ADAMTS19: variants seen among roughly 807,000 people sequenced by gnomAD.
The protein encoded by ADAMTS19 is ADAM metallopeptidase with thrombospondin type 1 motif 19.
A neutral mutation model predicts 153.3 loss-of-function variants in ADAMTS19; 93 were observed. That is an observed-to-expected ratio of 0.61 (90% CI 0.51 to 0.72). The LOEUF is 0.72. ADAMTS19 is among the 30% of genes least tolerant of loss of function. The probability of loss-of-function intolerance (pLI) is 0.00; values close to 1 mark genes in which losing one functional copy is unlikely to be tolerated. For synonymous variants in ADAMTS19, 600 were observed against 556.6 expected (o/e 1.08, Z -1.10); for missense variants, 1,482 against 1,552.1 (o/e 0.95, Z 0.76).
At chr5:129,682,628 A>G (rs191639331) in intron 17 of ADAMTS19, among the ~76,000 whole-genome samples, 90 of 152,342 alleles carry the variant, frequency 5.9e-4, no homozygotes, top group Middle Eastern at 3.4e-3. Flanking sequence ...GTCGTAAGGT[A>G]TATCATTTTT....
intron 8 of ADAMTS19, among the ~76,000 whole-genome samples, chr5:129,609,368 A>G (rs1751085998): frequency 6.6e-6 from 1 of 152,218 alleles, no homozygotes; most frequent in Admixed American, 6.5e-5. Context: ...GTGTCATGGC[A>G]CAATGATTGG....
intron 10 of ADAMTS19, among the ~76,000 whole-genome samples, chr5:129,634,273 C>T (rs1752435124): frequency 6.6e-6 from 1 of 151,990 alleles, no homozygotes; most frequent in Admixed American, 6.6e-5. Flanking sequence ...AAATACTGCT[C>T]AAAGTAATCA....
chr5:129,736,722 T>C (rs907033104), intron 22 of ADAMTS19, among the ~76,000 whole-genome samples: 1 of 152,222 alleles, frequency 6.6e-6, no homozygotes, highest in South Asian at 2.1e-4. Context: ...AAGGTAGATA[T>C]ATTGAGCACA....
intron 21 of ADAMTS19, among the ~76,000 whole-genome samples, chr5:129,713,936 C>G (rs1218388701): frequency 6.6e-6 from 1 of 152,008 alleles, no homozygotes; most frequent in Admixed American, 6.6e-5. Flanking sequence ...TCCTTAGTCC[C>G]CCTAGCCTCA....
chr5:129,630,466 G>A (rs982590416), intron 10 of ADAMTS19, among the ~76,000 whole-genome samples: 2 of 152,082 alleles, frequency 1.3e-5, no homozygotes, highest in South Asian at 2.1e-4. Flanking sequence ...TCTCACATAT[G>A]TGTACAATTG....
rs112754404 is a variant in ADAMTS19 at position 129,519,833 on chromosome 5, C to T, written c.914-6451C>T. On this transcript the variant is annotated intron_variant, in intron 3 of 22. Transcript: ENST00000274487. ...TGTGTCTTCTTGATTTCCGTCTAAC[C>T]CTCTCATAATCTAGTTTCCAATTTT... Among the ~76,000 whole-genome samples the T allele has an allele frequency of 2.1e-3, 321 of 152,090 alleles. 2 individuals carry two copies. The highest frequency in any genetic ancestry group is 7.4e-3 in the African/African-American group (306 of 41,498).
At position 129,727,936 on chromosome 5, in the gene ADAMTS19, A is replaced by G. The variant is rs1177479613; in HGVS notation, c.3313-6996A>G. ...TGCATTCCCAGGAGGTTAAGGCATT[A>G]TAAGTCACAGGATGAGATGGGAGGT... is the stretch of plus-strand genomic sequence containing the variant. On this transcript the variant is annotated intron_variant, in intron 21 of 22. Transcript: ENST00000274487. Among the ~76,000 whole-genome samples, 5 of 152,262 alleles carry G rather than the reference A, an allele frequency of 3.3e-5. No homozygotes were observed. The East Asian group carries it at 9.7e-4, about 29-fold the overall frequency.
Position 129,718,592 on chromosome 5 carries a change from T to G in ADAMTS19, c.3312+14201T>G, listed in dbSNP as rs190226602. On this transcript the variant is annotated intron_variant, in intron 21 of 22. Coordinates refer to ENST00000274487, the MANE Select transcript of ADAMTS19 (RefSeq NM_133638.6). ...TTATTAAAAAGTTGAAAGATAGAAC[T>G]GCCAAACATATACATAAATGAATAG... 2.1e-3 allele frequency among the ~76,000 whole-genome samples: 325 copies of G among 152,298 alleles called. 2 individuals carry two copies. The highest frequency in any genetic ancestry group is 7.4e-3 in the African/African-American group (306 of 41,580).
rs185550667 is a variant in ADAMTS19, at chr5:129,630,674, T to G, written c.1770+8326T>G. On this transcript the variant is annotated intron_variant, in intron 10 of 22. Coordinates refer to ENST00000274487, the MANE Select transcript of ADAMTS19 (RefSeq NM_133638.6). ...GAAAAAGGTAGAGGAAATATTTTTT[T>G]TAATAGGACACCAGGAGCATGAACC... is the stretch of plus-strand genomic sequence containing the variant. Among the ~76,000 whole-genome samples the G allele has an allele frequency of 2.4e-3, 363 of 152,080 alleles. 2 individuals are homozygous for G. Among genetic ancestry groups the G allele is most frequent in the African/African-American group, 6.8e-3 (283 of 41,520 alleles).
chr5:129,590,598 T>A (rs1750085029), intron 7 of ADAMTS19, among the ~76,000 whole-genome samples: 1 of 152,206 alleles, frequency 6.6e-6, no homozygotes, highest in South Asian at 2.1e-4. Flanking sequence ...TTTTTAAAAA[T>A]ATTTTTTTAA....
chr5:129,608,024 T>G lies in ADAMTS19; in HGVS notation c.1478+11360T>G, dbSNP rs1177494356. On this transcript the variant is annotated intron_variant, in intron 8 of 22. Coordinates refer to ENST00000274487, the MANE Select transcript of ADAMTS19 (RefSeq NM_133638.6). ...TATATAATGGAATATTTATTATATA[T>G]GTATTACTATATATGTATATATACA... is the stretch of plus-strand genomic sequence containing the variant. 2.0e-5 allele frequency among the ~76,000 whole-genome samples: 3 copies of G among 146,904 alleles called. No individual in the cohort carries two copies. The Admixed American group carries it at 2.1e-4, about 10-fold the overall frequency.
At position 129,475,506 on chromosome 5, in the gene ADAMTS19, T is replaced by G. The variant is rs189056082; in HGVS notation, c.747+13749T>G. The stretch of plus-strand genomic sequence containing the variant: ...TAATATTTTTTGAATTTGGGAAATT[T>G]AAGTCCTTTAATTTTAATTTTCTCT... On this transcript the variant is annotated intron_variant, in intron 2 of 22. Transcript: ENST00000274487. 4.6e-5 allele frequency among the ~76,000 whole-genome samples: 7 copies of G among 152,322 alleles called. No homozygotes were observed. In the East Asian group the frequency reaches 1.3e-3, roughly 29 times the overall value.
intron 8 of ADAMTS19, among the ~76,000 whole-genome samples, chr5:129,597,449 T>G (rs1450869874): frequency 6.6e-6 from 1 of 152,162 alleles, no homozygotes; most frequent in Non-Finnish European, 1.5e-5. Context: ...AGCGAGGGGT[T>G]TGAACTCAAG....
chr5:129,537,379 G>C (rs1245487727), intron 6 of ADAMTS19, among the ~76,000 whole-genome samples: 1 of 152,084 alleles, frequency 6.6e-6, no homozygotes, highest in East Asian at 1.9e-4. Flanking sequence ...GATTCCTCAG[G>C]GATCTAGAAC....
chr5:129,474,572 A>G (rs1034130015), intron 2 of ADAMTS19, among the ~76,000 whole-genome samples: 1 of 152,128 alleles, frequency 6.6e-6, no homozygotes, highest in African/African-American at 2.4e-5. Context: ...TTGTTTATAT[A>G]CCACAAAAAT....
At chr5:129,536,648 A>T (rs1457936527) in intron 6 of ADAMTS19, among the ~76,000 whole-genome samples, 2 of 152,196 alleles carry the variant, frequency 1.3e-5, no homozygotes, top group Non-Finnish European at 1.5e-5. Context: ...AATAGCAAAG[A>T]CTTGGAACCA....
chr5:129,672,136 G>C (rs1160665758), intron 16 of ADAMTS19, among the ~76,000 whole-genome samples: 1 of 152,084 alleles, frequency 6.6e-6, no homozygotes, highest in Admixed American at 6.6e-5. Flanking sequence ...CCGACTTCTA[G>C]CTGTGTCTTC....
chr5:129,542,756 A>C (rs939785097), intron 6 of ADAMTS19, among the ~76,000 whole-genome samples: 1 of 152,124 alleles, frequency 6.6e-6, no homozygotes, highest in Non-Finnish European at 1.5e-5. Context: ...AAAAGTTATA[A>C]ATATTAAAAC....
intron 7 of ADAMTS19, among the ~76,000 whole-genome samples, chr5:129,590,676 C>T (rs759979927): frequency 2.0e-4 from 30 of 152,246 alleles, no homozygotes; most frequent in Middle Eastern, 3.4e-3. Flanking sequence ...ATTCCTAGAT[C>T]ACCTTCTTGT....
Sources: gnomAD v4.1 joint callset for allele counts (sites outside exome capture counted in the v4.1 genomes callset) on GRCh38, gnomAD v4.1.1 for gene constraint, MANE v1.5 for transcripts, NCBI Gene and HGNC (gene_info 2026-07-23, HGNC 2026-07-21) for gene names.